Variants in AMMECR1 observed in about 807,000 individuals in gnomAD.
AMMECR1 encodes AMMECR nuclear protein 1, also known as nuclear protein AMMECR1.
Under a neutral mutation model 22.5 loss-of-function variants are expected in AMMECR1, and 3 were observed. The ratio of observed to expected loss-of-function variants is 0.13; its 90% confidence interval spans 0.06 to 0.35. The LOEUF is 0.35. Ranked by LOEUF, AMMECR1 falls within the 10% of genes least tolerant of loss-of-function variation. The pLI is 1.00. For missense variants in AMMECR1, 235 were observed against 278.7 expected, an observed-to-expected ratio of 0.84 and a Z score of 1.12; for synonymous variants, 130 against 116.7, an observed-to-expected ratio of 1.11 and a Z score of -0.74.
intron 2 of AMMECR1, among the ~76,000 whole-genome samples, chrX:110,380,008 T>C (rs1051851564): frequency 1.8e-5 from 2 of 111,869 alleles, no homozygotes; most frequent in African/African-American, 6.5e-5. Context: ...TTGCCCAAGA[T>C]CCCTCAGGCA....
chrX:110,377,208 A>G (rs2068382991), intron 2 of AMMECR1, among the ~76,000 whole-genome samples: 1 of 112,154 alleles, frequency 8.9e-6, no homozygotes, highest in Non-Finnish European at 1.9e-5. Context: ...ACATTTCATG[A>G]GATCAGGACT....
At chrX:110,273,002 ATTTCT>A (rs1214907605) in intron 1 of AMMECR1, among the ~76,000 whole-genome samples, 1 of 111,791 alleles carries the variant, frequency 8.9e-6, no homozygotes, top group Non-Finnish European at 1.9e-5. Context: ...TAATGTAATG[ATTTCT>A]TTTCCTTTTG....
intron 2 of AMMECR1, among the ~76,000 whole-genome samples, chrX:110,353,842 AAT>A (rs768939872): frequency 3.6e-5 from 4 of 111,845 alleles, no homozygotes; most frequent in African/African-American, 1.3e-4. Flanking sequence ...CAGGTTACAA[AAT>A]ATGCAAAAAT....
At chrX:110,399,144 A>G (rs771028682) in intron 2 of AMMECR1, among the ~76,000 whole-genome samples, 1 of 112,294 alleles carries the variant, frequency 8.9e-6, no homozygotes, top group South Asian at 3.7e-4. Flanking sequence ...CAACAATAAT[A>G]TAATACAGTG....
At chrX:110,266,718 T>C (rs1021364879) in intron 1 of AMMECR1, among the ~76,000 whole-genome samples, 5 of 109,249 alleles carry the variant, frequency 4.6e-5, no homozygotes, top group African/African-American at 1.7e-4. Context: ...CTTTAAGTTC[T>C]GGGGTACATG....
intron 2 of AMMECR1, among the ~76,000 whole-genome samples, chrX:110,410,505 G>A (rs776458726): frequency 1.5e-4 from 17 of 111,795 alleles, no homozygotes; most frequent in Non-Finnish European, 3.0e-4. Context: ...CACTTTGACC[G>A]AAAATCTCCT....
At chrX:110,289,525 C>G (rs989879919) in intron 1 of AMMECR1, among the ~76,000 whole-genome samples, 10 of 111,814 alleles carry the variant, frequency 8.9e-5, no homozygotes, top group African/African-American at 3.3e-4. Context: ...ACATTATGTC[C>G]CAGTGGAAGA....
Position 110,201,807 on chromosome X carries a change from C to T in AMMECR1, c.790+639G>A, listed in dbSNP as rs762405707. 1.3e-3 allele frequency among the ~76,000 whole-genome samples: 146 copies of T among 111,835 alleles called. 1 individual carries two copies. The highest frequency in any genetic ancestry group is 4.4e-3 in the African/African-American group (134 of 30,794). On this transcript the variant is annotated intron_variant, in intron 4 of 5. Transcript: ENST00000262844. ...GCTCCCCAAGATAAAAGATTCATTTCGACCAACATGAAACCAGAATTTAGT... is the reference window on the plus strand; with the variant it reads ...GCTCCCCAAGATAAAAGATTCATTTTGACCAACATGAAACCAGAATTTAGT...
chrX:110,277,308 G>A (rs1191839813), intron 1 of AMMECR1, among the ~76,000 whole-genome samples: 4 of 108,786 alleles, frequency 3.7e-5, no homozygotes, highest in South Asian at 4.0e-4. Context: ...AGCAACTATC[G>A]CAAGGACAGA....
intron 2 of AMMECR1, among the ~76,000 whole-genome samples, chrX:110,222,076 C>T (rs1475249444): frequency 9.2e-6 from 1 of 108,460 alleles, no homozygotes; most frequent in East Asian, 2.9e-4. Flanking sequence ...TACCATTTGA[C>T]CCAGCCATCC....
At chrX:110,322,626 C>G (rs1038488069), upstream of AMMECR1, among the ~76,000 whole-genome samples, 7 of 111,678 alleles carry the variant, frequency 6.3e-5, no homozygotes, top group African/African-American at 2.3e-4. Flanking sequence ...ATATAAAAGT[C>G]TGTTCTGAAT....
chrX:110,388,426 G>A (rs1388206539), intron 2 of AMMECR1, among the ~76,000 whole-genome samples: 1 of 111,929 alleles, frequency 8.9e-6, no homozygotes, highest in Non-Finnish European at 1.9e-5. Context: ...CAATGAGTTT[G>A]TGGGGCAGCT....
chrX:110,377,095 A>G (rs2068382112), intron 2 of AMMECR1, among the ~76,000 whole-genome samples: 1 of 111,573 alleles, frequency 9.0e-6, no homozygotes, highest in Non-Finnish European at 1.9e-5. Flanking sequence ...CTCCAGGAGA[A>G]CAGGGCCCTC....
intron 2 of AMMECR1, among the ~76,000 whole-genome samples, chrX:110,397,673 C>T (rs1391392589): frequency 5.4e-5 from 6 of 111,258 alleles, no homozygotes; most frequent in Non-Finnish European, 1.1e-4. Context: ...CTCCCTTTTG[C>T]TTTCTAATAT....
chrX:110,316,006 C>T (rs2068046101), intron 1 of AMMECR1, among the ~76,000 whole-genome samples: 1 of 112,294 alleles, frequency 8.9e-6, no homozygotes, highest in South Asian at 3.6e-4. Context: ...AGGATTTAAG[C>T]TTCTAGAATT....
chrX:110,316,450 TA>T (rs1809171150), intron 1 of AMMECR1, among the ~76,000 whole-genome samples: 1 of 111,366 alleles, frequency 9.0e-6, no homozygotes, highest in African/African-American at 3.3e-5. Flanking sequence ...TTTTCTGTAT[TA>T]TTTTTCTTGT....
chrX:110,375,997 C>T (rs1255400939), intron 2 of AMMECR1, among the ~76,000 whole-genome samples: 1 of 111,168 alleles, frequency 9.0e-6, no homozygotes, highest in Admixed American at 9.5e-5. Flanking sequence ...AAATAGAACA[C>T]CCTTCAAAGA....
intron 2 of AMMECR1, among the ~76,000 whole-genome samples, chrX:110,344,879 G>A (rs1193678848): frequency 3.6e-5 from 4 of 112,008 alleles, no homozygotes; most frequent in South Asian, 7.5e-4. Flanking sequence ...AAATAGGAAT[G>A]CTTTTACACT....
intron 1 of AMMECR1, among the ~76,000 whole-genome samples, chrX:110,269,506 A>G (rs947154917): frequency 9.6e-6 from 1 of 104,335 alleles, no homozygotes; most frequent in African/African-American, 3.5e-5. Context: ...AGAATAGGGT[A>G]CTCAACAAGG....
Sources: allele counts gnomAD v4.1 joint callset (sites outside exome capture counted in the v4.1 genomes callset), GRCh38; gene constraint gnomAD v4.1.1; transcripts MANE v1.5; gene names NCBI Gene and HGNC (gene_info 2026-07-23, HGNC 2026-07-21).